TBC1D10C: variants seen among roughly 807,000 people sequenced by gnomAD.
The protein encoded by TBC1D10C is carabin.
TBC1D10C carries 49 observed loss-of-function variants against 51.0 expected under a neutral mutation model. The ratio of observed to expected loss-of-function variants is 0.96; its 90% confidence interval spans 0.76 to 1.22. TBC1D10C has a LOEUF of 1.22. Ranked by LOEUF, TBC1D10C falls within the 50% of genes most tolerant of loss-of-function variation. The pLI, the probability that TBC1D10C is intolerant of heterozygous loss-of-function variation, is 0.00. For missense variants in TBC1D10C, 541 were observed against 617.5 expected (o/e 0.88, Z 1.31); for synonymous variants, 281 against 266.7 (o/e 1.05, Z -0.52).
chr11:67,404,943 C>T, intron 1 of TBC1D10C, 142 bp from the exon 2 acceptor site: 1 of 694,914 alleles, frequency 1.4e-6, no homozygotes, highest in Non-Finnish European at 2.4e-6. Flanking sequence ...ATTGGCAGCT[C>T]CTGGGTCACA....
chr11:67,405,020 G>T, intron 1 of TBC1D10C, 65 bp from the exon 2 acceptor site: 4 of 1,439,876 alleles, frequency 2.8e-6, no homozygotes, highest in South Asian at 1.3e-5. Flanking sequence ...TAGCCTGGAG[G>T]GTGGCAGTGT....
intron 5 of TBC1D10C, 140 bp from the exon 6 acceptor site, chr11:67,406,487 C>T (rs556590236): frequency 4.1e-5 from 30 of 724,996 alleles, no homozygotes; most frequent in African/African-American, 1.6e-4. Flanking sequence ...CCAGGAACTG[C>T]GCAGGTTAGG....
At chr11:67,406,767 G>C in intron 6 of TBC1D10C, 60 bp from the exon 7 acceptor site, 1 of 1,608,736 alleles carries the variant, frequency 6.2e-7, no homozygotes, top group Non-Finnish European at 8.5e-7. Flanking sequence ...GGGGACTGAG[G>C]GAGGTTGAGC....
In TBC1D10C at chr11:67,409,555, C is replaced by T. The variant is rs1455537046; in HGVS notation, c.1142C>T (p.Ala381Val). 3 of 1,548,848 alleles carry T rather than the reference C, an allele frequency of 1.9e-6. No homozygotes were observed. The Admixed American group carries it at 5.9e-5, about 30-fold the overall frequency. Residue 381 changes from alanine (A) to valine (V), a missense_variant, in exon 9 of 9, where the codon GCA (alanine) becomes GTA (valine). Ala to Val is a moderately conservative substitution (Grantham distance 64). Coordinates refer to ENST00000542590, the MANE Select transcript of TBC1D10C (RefSeq NM_001369496.1). The part of the protein sequence containing the change: ...AQAIFEAQQL[A>V]GVRRGAKPEV... ...GCCATCTTTGAGGCCCAGCAGCTGG[C>T]AGGAGTGCGACGAGGCGCCAAGCCT...
chr11:67,406,614 GC>G lies in TBC1D10C; in HGVS notation c.583-9del. 26 of 1,561,748 alleles carry G rather than the reference GC, an allele frequency of 1.7e-5. No individual in the cohort carries two copies. Among genetic ancestry groups the G allele is most frequent in the Non-Finnish European group, 2.3e-5 (26 of 1,152,080 alleles). On this transcript the variant is annotated splice_polypyrimidine_tract_variant and intron_variant, in intron 5 of 8. Transcript: ENST00000542590. ...GTGAGCACTTACAGGCCTGTGCCCT[GC>G]CCCTTCCCCAGGAGGCCTTCTGGTG...
At position 67,405,961 on chromosome 11, in the gene TBC1D10C, T is replaced by C; in HGVS notation, c.526T>C (p.Tyr176His). Residue 176 changes from tyrosine to histidine, a missense_variant, in exon 5 of 9, where the codon TAC becomes CAC. Tyr to His is a moderately conservative substitution (Grantham distance 83). Transcript: ENST00000542590. ...CACCCTGTATCGACCGGAGCAGGGC[T>C]ACTGCCAGGCCCAGGGGCCCGTGGC... ...AYTLYRPEQG[Y>H]CQAQGPVAAV... The C allele has an allele frequency of 6.2e-7, 1 of 1,606,808 alleles. No individual in the cohort carries two copies. Among genetic ancestry groups the C allele is most frequent in the Non-Finnish European group, 8.5e-7 (1 of 1,177,594 alleles).
Position 67,409,559 on chromosome 11 carries a change from A to G in TBC1D10C, c.1146A>G (p.Gly382=), listed in dbSNP as rs2135056671. The stretch of plus-strand genomic sequence containing the variant: ...TCTTTGAGGCCCAGCAGCTGGCAGG[A>G]GTGCGACGAGGCGCCAAGCCTGAGG... The part of the protein sequence containing the change: ...QAIFEAQQLA[G]VRRGAKPEVP... The change falls in exon 9 of 9, where the codon GGA becomes GGG. Residue 382 remains glycine (G), a synonymous_variant. Coordinates refer to ENST00000542590, the MANE Select transcript of TBC1D10C (RefSeq NM_001369496.1). 1 of 1,548,816 alleles carries G rather than the reference A, an allele frequency of 6.5e-7. No homozygotes were observed. Among genetic ancestry groups the G allele is most frequent in the Non-Finnish European group, 8.7e-7 (1 of 1,146,688 alleles).
Position 67,405,719 on chromosome 11 carries a change from C to T in TBC1D10C, c.467+18C>T, listed in dbSNP as rs1397515020. ...GGCCACGGGTACGAGGCCGGTGATG[C>T]CCAGGGACCCCCAGCCCCACAAGCC... On this transcript the variant is annotated intron_variant, in intron 4 of 8. Coordinates refer to ENST00000542590, the MANE Select transcript of TBC1D10C (RefSeq NM_001369496.1). The T allele has an allele frequency of 3.1e-6, 5 of 1,611,784 alleles. No homozygotes were observed. The highest frequency in any genetic ancestry group is 3.3e-4 in the Middle Eastern group (2 of 6,078).
At position 67,409,615 on chromosome 11, in the gene TBC1D10C, A is replaced by C. The variant is rs1429899979; in HGVS notation, c.1202A>C (p.Glu401Ala). 2 of 1,559,886 alleles carry C rather than the reference A, an allele frequency of 1.3e-6. No homozygotes were observed. The highest frequency in any genetic ancestry group is 1.4e-5 in the African/African-American group (1 of 73,986). ...CGGATTGTGGTGCAGCCCCCGGAGG[A>C]GCCCAGACCACCGCGGCGGAAACCC... ...VPRIVVQPPE[E>A]PRPPRRKPQT... is the part of the protein sequence containing the mutation. The change falls in exon 9 of 9, where the codon GAG (glutamate) becomes GCG (alanine). Residue 401 changes from glutamate to alanine, a missense_variant. Glu to Ala is a moderately radical substitution (Grantham distance 107, BLOSUM62 -1). Transcript: ENST00000542590.
At chr11:67,404,506 C>G (rs1590942569) in intron 1 of TBC1D10C, 152 bp downstream of exon 1, 1 of 858,522 alleles carries the variant, frequency 1.2e-6, no homozygotes, top group South Asian at 2.0e-5. Flanking sequence ...AGGTGGAACC[C>G]TAAGGTGGGA....
rs202004214 is a variant in TBC1D10C, at chr11:67,409,444, G to A, written c.1031G>A (p.Arg344Gln). The A allele has an allele frequency of 4.2e-4, 658 of 1,549,234 alleles. 3 individuals are homozygous for A. Among genetic ancestry groups the A allele is most frequent in the Non-Finnish European group, 5.1e-4 (586 of 1,146,630 alleles). The part of the protein sequence containing the change: ...SVVLSERDLQ[R>Q]EIKAQLAQLP... ...GTGCTGTCAGAGCGGGACCTGCAGC[G>A]GGAGATCAAGGCCCAGCTGGCCCAG... The change falls in exon 9 of 9, where the codon CGG becomes CAG. Residue 344 changes from arginine (R) to glutamine (Q), a missense_variant. Arg to Gln is a conservative substitution (Grantham distance 43, BLOSUM62 1). Transcript: ENST00000542590.
chr11:67,404,068 CAT>C, upstream of TBC1D10C: 3 of 1,118,176 alleles, frequency 2.7e-6, no homozygotes, highest in Non-Finnish European at 3.6e-6. Flanking sequence ...AAAGAGGAGA[CAT>C]AGGGGGCTTG....
chr11:67,405,278 C>G (rs1234595684), intron 2 of TBC1D10C, 94 bp downstream of exon 2: 1 of 1,489,886 alleles, frequency 6.7e-7, no homozygotes, highest in African/African-American at 1.4e-5. Flanking sequence ...TGTGTCCCAG[C>G]ACCTCCGGCC....
In TBC1D10C at chr11:67,407,015, G is replaced by C; in HGVS notation, c.837G>C (p.Glu279Asp). Residue 279 changes from glutamate to aspartate, a missense_variant and splice_region_variant, in exon 7 of 9, where the codon GAG becomes GAC. Coordinates refer to ENST00000542590, the MANE Select transcript of TBC1D10C (RefSeq NM_001369496.1). ...GTGTCTGGGATGCCTTCCTCAGTGA[G>C]GGTGAGTGGGGCAGCCAGTGGCTGG... ...VLRVWDAFLS[E>D]GARVLFRVGL... The C allele has an allele frequency of 6.2e-7, 1 of 1,609,450 alleles. No homozygotes were observed. Among genetic ancestry groups the C allele is most frequent in the Non-Finnish European group, 8.5e-7 (1 of 1,178,480 alleles).
chr11:67,408,531 G>A (rs1454732397), intron 7 of TBC1D10C: 1 of 156,920 alleles, frequency 6.4e-6, no homozygotes, highest in African/African-American at 2.4e-5. Flanking sequence ...TGTGCCTGGT[G>A]GCACATCACC....
At chr11:67,404,737 C>G (rs191799555) in intron 1 of TBC1D10C, among the ~76,000 whole-genome samples, 2 of 152,262 alleles carry the variant, frequency 1.3e-5, no homozygotes, top group Non-Finnish European at 2.9e-5. Flanking sequence ...AGATCAGACA[C>G]AGACCCAGAC....
chr11:67,406,794 G>C (rs1166448167), intron 6 of TBC1D10C, 33 bp from the exon 7 acceptor site: 2 of 1,609,584 alleles, frequency 1.2e-6, no homozygotes, highest in Non-Finnish European at 1.7e-6. Context: ...TCTGGGGGTG[G>C]CGGTGCTGGC....
chr11:67,407,128 C>G (rs556789319), intron 7 of TBC1D10C, 112 bp downstream of exon 7: 4 of 1,254,896 alleles, frequency 3.2e-6, no homozygotes, highest in Non-Finnish European at 3.3e-6. Flanking sequence ...CTGGGTGTGC[C>G]GAAGGTGATG....
intron 7 of TBC1D10C, chr11:67,408,550 G>A (rs75846272): frequency 0.026 from 4,154 of 159,640 alleles, 75 homozygotes; most frequent in East Asian, 0.049. Flanking sequence ...CCTGTCACCC[G>A]GATGCTGCCT....
Sources: allele counts gnomAD v4.1 joint callset (sites outside exome capture counted in the v4.1 genomes callset), GRCh38; gene constraint gnomAD v4.1.1; transcripts MANE v1.5; gene names NCBI Gene and HGNC (gene_info 2026-07-23, HGNC 2026-07-21).